BDH1: variants seen among roughly 807,000 people sequenced by gnomAD.
BDH1 encodes the protein 3-hydroxybutyrate dehydrogenase 1.
Under a neutral mutation model 33.1 loss-of-function variants are expected in BDH1, and 30 were observed. The observed-to-expected ratio is 0.91, with a 90% CI of 0.68 to 1.23. BDH1 has a LOEUF of 1.23. Ranked by LOEUF, BDH1 falls within the 50% of genes most tolerant of loss-of-function variation. The pLI, the probability that BDH1 is intolerant of heterozygous loss-of-function variation, is 0.00. For missense variants in BDH1, 443 were observed against 464.4 expected, an observed-to-expected ratio of 0.95 and a Z score of 0.42; for synonymous variants, 190 against 183.6, an observed-to-expected ratio of 1.03 and a Z score of -0.28.
intron 3 of BDH1, chr3:197,546,113 G>A: frequency 2.7e-6 from 1 of 371,888 alleles, no homozygotes; most frequent in Non-Finnish European, 4.9e-6. Flanking sequence ...CTCCAGCCTG[G>A]CAACAGAGTG....
At chr3:197,524,571 G>A (rs1713897402) in intron 5 of BDH1, among the ~76,000 whole-genome samples, 1 of 152,210 alleles carries the variant, frequency 6.6e-6, no homozygotes, top group Non-Finnish European at 1.5e-5. Context: ...GAACATGACT[G>A]AGGGAGCCAG....
chr3:197,567,990 T>C (rs1344371699), intron 1 of BDH1, among the ~76,000 whole-genome samples: 1 of 152,166 alleles, frequency 6.6e-6, no homozygotes, highest in Non-Finnish European at 1.5e-5. Context: ...GCTCACACTC[T>C]CCTCCAATAC....
rs188267008 is a variant in BDH1, at chr3:197,523,747, G to A, written c.268-966C>T. 3.1e-4 allele frequency among the ~76,000 whole-genome samples: 47 copies of A among 152,314 alleles called. No homozygotes were observed. In the East Asian group the frequency reaches 8.5e-3, roughly 28 times the overall value. ...GTATGGAACCTGGCGGGAGGTGGGA[G>A]GGGCACAGGAGGGACGGGCAGGGGA... On this transcript the variant is annotated intron_variant, in intron 5 of 7. Transcript: ENST00000392379. This position sits in a 1 kb window ranked among gnomAD's most constrained non-coding sequence, Gnocchi z 4.5.
chr3:197,529,572 G>A (rs1022953634), intron 5 of BDH1: 2 of 152,202 alleles, frequency 1.3e-5, no homozygotes, highest in African/African-American at 4.8e-5. Flanking sequence ...CATTTAAGCT[G>A]CCTTGGAGCA....
At chr3:197,537,804 G>A (rs952354376) in intron 3 of BDH1, among the ~76,000 whole-genome samples, 19 of 152,174 alleles carry the variant, frequency 1.2e-4, no homozygotes, top group Non-Finnish European at 2.4e-4. Flanking sequence ...TAATTTGGTG[G>A]ATGAGATTAA....
chr3:197,510,599 G>GTGTGTGTGTGTGTGTGT lies in BDH1; in HGVS notation c.*1295_*1296insACACACACACACACACA, dbSNP rs869271269. 1.3e-3 allele frequency: 99 copies of GTGTGTGTGTGTGTGTGT among 75,386 alleles called. 5 individuals are homozygous for GTGTGTGTGTGTGTGTGT. Among genetic ancestry groups the GTGTGTGTGTGTGTGTGT allele is most frequent in the South Asian group, 2.5e-3 (4 of 1,630 alleles). 4.7% of individuals were successfully genotyped at this position (75,386 alleles called of 1,614,324 possible). On this transcript the variant is annotated 3_prime_UTR_variant, in exon 8 of 8. Coordinates refer to ENST00000392379, the MANE Select transcript of BDH1 (RefSeq NM_203314.3). ...CCACGCTGAAGCCCTGCAGAACAGG[G>GTGTGTGTGTGTGTGTGT]GTGTGTGTGTGTGTGTGTGTGTGTG...
chr3:197,514,184 G>A lies in BDH1; in HGVS notation c.562+80C>T, dbSNP rs1712420323. 1.3e-6 allele frequency: 2 copies of A among 1,514,768 alleles called. No individual in the cohort carries two copies. Among genetic ancestry groups the A allele is most frequent in the Non-Finnish European group, 1.8e-6 (2 of 1,121,804 alleles). The allele number at this position is 1,514,768 out of a possible 1,614,324, so 93.8% of individuals were successfully genotyped here. On this transcript the variant is annotated intron_variant, in intron 7 of 7. Coordinates refer to ENST00000392379, the MANE Select transcript of BDH1 (RefSeq NM_203314.3). This position sits in a 1 kb window ranked among gnomAD's most constrained non-coding sequence, Gnocchi z 4.2. ...TGAGTTGTGGACATTGGAGCTGCTG[G>A]GACAGGTATTTCCATTCTGAGCAAA...
chr3:197,533,946 T>A lies in BDH1; in HGVS notation c.84-385A>T, dbSNP rs182652995. 2.5e-3 allele frequency: 492 copies of A among 193,330 alleles called. 7 individuals are homozygous for A. The highest frequency in any genetic ancestry group is 1.2e-3 in the Non-Finnish European group (110 of 94,790). The allele number at this position is 193,330 out of a possible 1,614,324, so 12.0% of individuals were successfully genotyped here. The stretch of plus-strand genomic sequence containing the variant: ...AGTGTGAACTATCCTTGTAGTAGTA[T>A]AGCTTTGTTAAAGCCTGCTGCAATT... On this transcript the variant is annotated intron_variant, in intron 3 of 7. Transcript: ENST00000392379.
chr3:197,520,226 G>A lies in BDH1; in HGVS notation c.409+2414C>T, dbSNP rs937340245. 2.6e-5 allele frequency among the ~76,000 whole-genome samples: 4 copies of A among 152,012 alleles called. No individual in the cohort carries two copies. Among genetic ancestry groups the A allele is most frequent in the East Asian group, 1.9e-4 (1 of 5,190 alleles). On this transcript the variant is annotated intron_variant, in intron 6 of 7. Coordinates refer to ENST00000392379, the MANE Select transcript of BDH1 (RefSeq NM_203314.3). This position sits in a 1 kb window ranked among gnomAD's most constrained non-coding sequence, Gnocchi z 6.0. ...AGCGAGAGCAGGAGATGGGGGACAC[G>A]CCACTGCATATCTGACGGATGTACT...
Position 197,540,932 on chromosome 3 carries a change from G to T in BDH1, c.83+5429C>A, listed in dbSNP as rs1161600334. ...GCAATACCCTGACAAGGTGGGTAAG[G>T]TGGGGCTGTGAATACTCCTGGGCGG... On this transcript the variant is annotated intron_variant, in intron 3 of 7. Transcript: ENST00000392379. 4.6e-5 allele frequency among the ~76,000 whole-genome samples: 7 copies of T among 152,170 alleles called. 1 individual carries two copies. Among genetic ancestry groups the T allele is most frequent in the Non-Finnish European group, 1.0e-4 (7 of 68,034 alleles).
upstream of BDH1, among the ~76,000 whole-genome samples, chr3:197,557,135 C>T (rs1717086809): frequency 6.6e-6 from 1 of 152,212 alleles, no homozygotes; most frequent in Non-Finnish European, 1.5e-5. This position sits in a 1 kb window ranked among gnomAD's most constrained non-coding sequence, Gnocchi z 4.6. Context: ...AGTTGTCCCA[C>T]CTTTCCAGAC....
chr3:197,540,903 C>G (rs750763935), intron 3 of BDH1, among the ~76,000 whole-genome samples: 7 of 152,184 alleles, frequency 4.6e-5, no homozygotes, highest in Admixed American at 3.3e-4. Context: ...CTGCCCCCCC[C>G]ACAGCAATAC....
rs779297172 is a variant in BDH1 at position 197,514,108 on chromosome 3, C to T, written c.562+156G>A. On this transcript the variant is annotated intron_variant, in intron 7 of 7. Transcript: ENST00000392379. This position sits in a 1 kb window ranked among gnomAD's most constrained non-coding sequence, Gnocchi z 4.2. Reference sequence around the variant, plus strand: ...TACCCGGCCACAGCCCCTCTGCCCACCATCACCCCAGGCCCAGCATAGTCC... The same window carrying T: ...TACCCGGCCACAGCCCCTCTGCCCATCATCACCCCAGGCCCAGCATAGTCC... 1 of 1,031,478 alleles carries T rather than the reference C, an allele frequency of 9.7e-7. No individual in the cohort carries two copies. The highest frequency in any genetic ancestry group is 1.4e-6 in the Non-Finnish European group (1 of 739,506). 63.9% of individuals were successfully genotyped at this position (1,031,478 alleles called of 1,614,324 possible). A position where few individuals can be genotyped will look rare whatever the true frequency, so the allele number is the denominator to read the frequency against.
At chr3:197,556,365 GA>G (rs1207159240), upstream of BDH1, among the ~76,000 whole-genome samples, 4 of 152,314 alleles carry the variant, frequency 2.6e-5, no homozygotes, top group African/African-American at 9.6e-5. Context: ...AATTTCTTTT[GA>G]TCAGATGAAT....
At chr3:197,541,345 G>A (rs1182310237) in intron 3 of BDH1, among the ~76,000 whole-genome samples, 1 of 152,202 alleles carries the variant, frequency 6.6e-6, no homozygotes, top group East Asian at 1.9e-4. Context: ...GTCCACAGCA[G>A]TTGTTCTCTG....
rs1206845358 is a variant in BDH1, at chr3:197,523,938, T to G, written c.268-1157A>C. Reference sequence around the variant, plus strand: ...AGGGCTGGAGAGGAGGGCAGGGGTCTGCTTGTGGGCACTGCCGAGCTGCTG... The same window carrying G: ...AGGGCTGGAGAGGAGGGCAGGGGTCGGCTTGTGGGCACTGCCGAGCTGCTG... On this transcript the variant is annotated intron_variant, in intron 5 of 7. Coordinates refer to ENST00000392379, the MANE Select transcript of BDH1 (RefSeq NM_203314.3). The surrounding 1 kb of genome is among the most constrained non-coding windows in gnomAD (Gnocchi z 4.5). Among the ~76,000 whole-genome samples, 1 of 152,168 alleles carries G rather than the reference T, an allele frequency of 6.6e-6. No homozygotes were observed. Among genetic ancestry groups the G allele is most frequent in the Admixed American group, 6.5e-5 (1 of 15,276 alleles).
Position 197,511,532 on chromosome 3 carries a change from T to C in BDH1, c.*363A>G. On this transcript the variant is annotated 3_prime_UTR_variant, in exon 8 of 8. Transcript: ENST00000392379. ...CTCTTTAAGCTGCAAATGCTTCATTTACAAAAGAAAAAAACCTGTCCTTTT... is the reference window on the plus strand; with the variant it reads ...CTCTTTAAGCTGCAAATGCTTCATTCACAAAAGAAAAAAACCTGTCCTTTT... The C allele has an allele frequency of 7.3e-6, 2 of 274,384 alleles. No individual in the cohort carries two copies. Among genetic ancestry groups the C allele is most frequent in the Non-Finnish European group, 1.4e-5 (2 of 147,572 alleles). The allele number at this position is 274,384 out of a possible 1,614,324, so 17.0% of individuals were successfully genotyped here.
upstream of BDH1, among the ~76,000 whole-genome samples, chr3:197,558,460 G>T (rs1312733727): frequency 1.3e-5 from 2 of 152,156 alleles, no homozygotes; most frequent in Non-Finnish European, 2.9e-5. Context: ...GCCCATAGTA[G>T]TGACCGACTT....
At chr3:197,542,521 C>CTTTTTTTTTTTTTTTTTT (rs71164295) in intron 3 of BDH1, among the ~76,000 whole-genome samples, 7 of 106,446 alleles carry the variant, frequency 6.6e-5, no homozygotes, top group African/African-American at 1.7e-4. Context: ...TTCTTGCTTG[C>CTTTTTTTTTTTTTTTTTT]TTTTTTTTTT....
Sources: gnomAD v4.1 joint callset for allele counts (sites outside exome capture counted in the v4.1 genomes callset) on GRCh38, gnomAD v4.1.1 for gene constraint, Gnocchi (gnomAD v3.1) non-coding constraint, MANE v1.5 for transcripts, NCBI Gene and HGNC (gene_info 2026-07-23, HGNC 2026-07-21) for gene names.